The following ADD1 variants were observed in gnomAD, a reference collection of about 807,000 sequenced individuals.
ADD1 encodes the protein alpha-adducin.
Under a neutral mutation model 80.5 loss-of-function variants are expected in ADD1, and 24 were observed. That is an observed-to-expected ratio of 0.30 (90% confidence interval 0.22 to 0.42). The LOEUF is 0.42. Among genes scored for constraint, ADD1 ranks in the 10% least tolerant of loss-of-function variants. The probability of loss-of-function intolerance (pLI) is 1.00; values close to 1 mark genes in which losing one functional copy is unlikely to be tolerated. For synonymous variants in ADD1, 373 were observed against 393.8 expected (o/e 0.95, Z 0.63); for missense variants, 948 against 1,019.0 (o/e 0.93, Z 0.95).
intron 10 of ADD1, chr4:2,907,466 C>T (rs1170544897): frequency 1.5e-5 from 5 of 334,114 alleles, no homozygotes; most frequent in Admixed American, 4.2e-5. Context: ...TCAGCTCTGT[C>T]GTCAGCCTAC....
In ADD1 at chr4:2,926,523, T is replaced by TC; in HGVS notation, c.2047+413dup. 9.3e-7 allele frequency: 1 copy of TC among 1,078,132 alleles called. No homozygotes were observed. Among genetic ancestry groups the TC allele is most frequent in the Admixed American group, 2.0e-5 (1 of 50,770 alleles). The allele number at this position is 1,078,132 out of a possible 1,614,324, so 66.8% of individuals were successfully genotyped here. The stretch of plus-strand genomic sequence containing the variant: ...GGTGTCTGTCCCTCGGTCTCGTACA[T>TC]CCATGTCTCTCGTGAAGCCCGTGGC... On this transcript the variant is annotated intron_variant, in intron 15 of 15. Coordinates refer to ENST00000683351, the MANE Select transcript of ADD1 (RefSeq NM_001354761.2). The surrounding 1 kb of genome is among the most constrained non-coding windows in gnomAD (Gnocchi z 5.0).
At chr4:2,854,201 G>A (rs1431256089) in intron 1 of ADD1, among the ~76,000 whole-genome samples, 1 of 152,126 alleles carries the variant, frequency 6.6e-6, no homozygotes, top group African/African-American at 2.4e-5. Context: ...GCACACGCCT[G>A]TAATACCAGC....
chr4:2,881,654 T>C (rs928463918), intron 2 of ADD1: 78 of 358,442 alleles, frequency 2.2e-4, no homozygotes, highest in African/African-American at 1.3e-3. Flanking sequence ...TCCTTGAATG[T>C]TTCCTTAAAA....
intron 1 of ADD1, chr4:2,867,993 C>T (rs1211728922): frequency 6.6e-6 from 1 of 152,240 alleles, no homozygotes; most frequent in Non-Finnish European, 1.5e-5. Context: ...GCAGCTGCTT[C>T]TGCAAGAGGA....
At chr4:2,857,112 C>T (rs1728197796) in intron 1 of ADD1, among the ~76,000 whole-genome samples, 1 of 151,752 alleles carries the variant, frequency 6.6e-6, no homozygotes, top group Admixed American at 6.6e-5. Context: ...CAGGGTTTCA[C>T]CATGTTAGCC....
intron 13 of ADD1, among the ~76,000 whole-genome samples, chr4:2,911,698 C>T (rs899458577): frequency 6.6e-6 from 1 of 152,116 alleles, no homozygotes; most frequent in Non-Finnish European, 1.5e-5. Context: ...TCAAGCAGTC[C>T]ACCTGACTCA....
intron 10 of ADD1, 72 bp from the exon 11 acceptor site, chr4:2,907,671 C>G: frequency 7.9e-7 from 1 of 1,271,624 alleles, no homozygotes; most frequent in East Asian, 2.3e-5. Flanking sequence ...GTGAGATAAA[C>G]TGAATAGATT....
intron 14 of ADD1, among the ~76,000 whole-genome samples, chr4:2,923,541 G>A (rs541386714): frequency 2.4e-4 from 36 of 152,230 alleles, no homozygotes; most frequent in Non-Finnish European, 2.9e-4. Flanking sequence ...CACCTTCTGC[G>A]TTGATCTCAC....
chr4:2,909,250 A>C lies in ADD1; in HGVS notation c.1699-89A>C, dbSNP rs1737589923. On this transcript the variant is annotated intron_variant, in intron 12 of 15. Coordinates refer to ENST00000683351, the MANE Select transcript of ADD1 (RefSeq NM_001354761.2). ...TACTGTTGACAGCTGTCCCTGCTGCATGCTCTTAGCCAGCTCCATCCTGTG... is the reference window on the plus strand; with the variant it reads ...TACTGTTGACAGCTGTCCCTGCTGCCTGCTCTTAGCCAGCTCCATCCTGTG... 2 of 1,116,714 alleles carry C rather than the reference A, an allele frequency of 1.8e-6. 1 individual carries two copies. The highest frequency in any genetic ancestry group is 2.7e-5 in the South Asian group (2 of 73,760). 69.2% of individuals were successfully genotyped at this position (1,116,714 alleles called of 1,614,324 possible).
At chr4:2,889,010 G>C (rs1463303952) in intron 4 of ADD1, among the ~76,000 whole-genome samples, 1 of 152,158 alleles carries the variant, frequency 6.6e-6, no homozygotes, top group Non-Finnish European at 1.5e-5. Flanking sequence ...GAACCTGACA[G>C]CATGCTTCTA....
chr4:2,868,235 G>T (rs566024091), intron 1 of ADD1: 1 of 152,410 alleles, frequency 6.6e-6, no homozygotes, highest in South Asian at 2.1e-4. Flanking sequence ...GATAGCGCCA[G>T]ATGTTGGGCT....
intron 1 of ADD1, among the ~76,000 whole-genome samples, chr4:2,847,962 C>G: frequency 6.6e-6 from 1 of 152,148 alleles, no homozygotes; most frequent in Admixed American, 6.5e-5. Flanking sequence ...CGTCTGTAAT[C>G]CCAGCACTTT....
At chr4:2,923,004 TC>T in intron 14 of ADD1, among the ~76,000 whole-genome samples, 1 of 152,340 alleles carries the variant, frequency 6.6e-6, no homozygotes, top group Admixed American at 6.5e-5. Context: ...AGCTCCAGCA[TC>T]CCAGGTCGAC....
intron 1 of ADD1, among the ~76,000 whole-genome samples, chr4:2,847,172 C>T (rs969974065): frequency 2.6e-5 from 4 of 152,158 alleles, no homozygotes; most frequent in South Asian, 2.1e-4. Flanking sequence ...CTCACAATCC[C>T]GGCACTTTGG....
At chr4:2,916,522 C>T (rs1328451758) in intron 14 of ADD1, among the ~76,000 whole-genome samples, 3 of 151,884 alleles carry the variant, frequency 2.0e-5, no homozygotes, top group Non-Finnish European at 4.4e-5. Context: ...AGACTTTTGT[C>T]TCTCTCTCTC....
Position 2,928,485 on chromosome 4 carries a change from T to A in ADD1, c.2362T>A (p.Ser788Thr). The A allele has an allele frequency of 3.7e-6, 6 of 1,613,690 alleles. No homozygotes were observed. The highest frequency in any genetic ancestry group is 2.2e-5 in the East Asian group (1 of 44,868). Residue 788 changes from serine (S) to threonine (T), a missense_variant, in exon 16 of 16, where the codon TCC becomes ACC. Transcript: ENST00000683351. ...AAAGAAGAAGAAGTTCCGTACCCCG[T>A]CCTTTCTGAAGAAGAGCAAGAAGAA... Reference protein sequence around the residue: ...SKKKKKFRTPSFLKKSKKKSD... With the variant: ...SKKKKKFRTPTFLKKSKKKSD...
At chr4:2,860,550 A>G (rs1296873469) in intron 1 of ADD1, among the ~76,000 whole-genome samples, 1 of 152,212 alleles carries the variant, frequency 6.6e-6, no homozygotes, top group Non-Finnish European at 1.5e-5. Context: ...TGTTAGTCCA[A>G]AATGTTAGAT....
At position 2,926,053 on chromosome 4, in the gene ADD1, C is replaced by T; in HGVS notation, c.1988C>T (p.Pro663Leu). The change falls in exon 15 of 16, where the codon CCT becomes CTT. Residue 663 changes from proline to leucine, a missense_variant. Physicochemically the swap from Pro to Leu is moderately conservative, Grantham distance 98. Transcript: ENST00000683351. The surrounding 1 kb of genome is among the most constrained non-coding windows in gnomAD (Gnocchi z 5.0). ...GCTAGAGAACAGAAAGAAAAGAGTC[C>T]TCCAGACCAGCCTGCGGTCCCCCAC... ...DEAREQKEKS[P>L]PDQPAVPHPP... 6.2e-7 allele frequency: 1 copy of T among 1,614,168 alleles called. No homozygotes were observed. Among genetic ancestry groups the T allele is most frequent in the Non-Finnish European group, 8.5e-7 (1 of 1,180,000 alleles).
chr4:2,904,427 T>G (rs1736697675), intron 9 of ADD1, among the ~76,000 whole-genome samples: 1 of 152,254 alleles, frequency 6.6e-6, no homozygotes. Context: ...CACTCAGCGT[T>G]GCCTTCAGGA....
Sources: gnomAD v4.1 joint callset for allele counts (sites outside exome capture counted in the v4.1 genomes callset) on GRCh38, gnomAD v4.1.1 for gene constraint, Gnocchi (gnomAD v3.1) non-coding constraint, MANE v1.5 for transcripts, NCBI Gene and HGNC (gene_info 2026-07-23, HGNC 2026-07-21) for gene names.